ERCC8: variants seen among roughly 807,000 people sequenced by gnomAD.
The protein encoded by ERCC8 is ERCC excision repair 8, CSA ubiquitin ligase complex subunit.
Under a neutral mutation model 54.9 loss-of-function variants are expected in ERCC8, and 52 were observed. The ratio of observed to expected loss-of-function variants is 0.95; its 90% CI spans 0.76 to 1.19. ERCC8 has a LOEUF of 1.19. Ranked by LOEUF, ERCC8 falls within the 50% of genes most tolerant of loss-of-function variation. The probability of loss-of-function intolerance (pLI) is 0.00; values close to 1 mark genes in which losing one functional copy is unlikely to be tolerated. For missense variants in ERCC8, 514 were observed against 466.1 expected (o/e 1.10, Z -0.95); for synonymous variants, 146 against 157.2 (o/e 0.93, Z 0.53).
At position 60,873,225 on chromosome 5, in the gene ERCC8, T is replaced by C. The variant is rs1747900910; in HGVS notation, c.*1390A>G. Among the ~76,000 whole-genome samples the C allele has an allele frequency of 6.6e-6, 1 of 152,240 alleles. No homozygotes were observed. Reference sequence around the variant, plus strand: ...GTCAGTTAGCTAGATTTAGTCATTCTATAATGTATATATGCTTCAAAACAG... The same window carrying C: ...GTCAGTTAGCTAGATTTAGTCATTCCATAATGTATATATGCTTCAAAACAG... On this transcript the variant is annotated 3_prime_UTR_variant, in exon 12 of 12. Transcript: ENST00000676185.
At chr5:60,903,986 A>G (rs571396648) in intron 5 of ERCC8, among the ~76,000 whole-genome samples, 1 of 152,204 alleles carries the variant, frequency 6.6e-6, no homozygotes, top group South Asian at 2.1e-4. Flanking sequence ...AAGCTAGTAT[A>G]AAGAGAACCG....
At chr5:60,891,682 A>C (rs1234640205) in intron 9 of ERCC8, among the ~76,000 whole-genome samples, 2 of 145,224 alleles carry the variant, frequency 1.4e-5, no homozygotes, top group Admixed American at 1.4e-4. Context: ...TTTCCTGCTG[A>C]TACTTCTTTT....
Position 60,903,670 on chromosome 5 carries a change from T to G in ERCC8, c.528A>C (p.Gly176=), listed in dbSNP as rs961490880. The G allele has an allele frequency of 2.4e-5, 39 of 1,612,644 alleles. No individual in the cohort carries two copies. Among genetic ancestry groups the G allele is most frequent in the Non-Finnish European group, 3.1e-5 (37 of 1,179,250 alleles). ...TACCCTGTAGAATGTGAGAACAGGA[T>G]CCAGACTTCAAGTCACAAAGTTGTA... ...PKVQLCDLKS[G]SCSHILQGHR... Residue 176 remains glycine, a synonymous_variant, in exon 6 of 12, where the codon GGA becomes GGC. Transcript: ENST00000676185.
rs557379747 is a variant in ERCC8, at chr5:60,913,504, T to C, written c.399+4761A>G. On this transcript the variant is annotated intron_variant, in intron 4 of 11. Transcript: ENST00000676185. The stretch of plus-strand genomic sequence containing the variant: ...CTCTTTTCTTCTTCATTAGTCTTGC[T>C]AGCAGTCTATCAGTTTTGTGGACCT... 2.0e-5 allele frequency among the ~76,000 whole-genome samples: 3 copies of C among 152,262 alleles called. No homozygotes were observed. In the East Asian group the frequency reaches 5.8e-4, roughly 29 times the overall value.
chr5:60,889,654 GGTAGAAAGAAATAATTTGTGGTTAGA>G (rs1748491203), intron 10 of ERCC8, among the ~76,000 whole-genome samples: 1 of 152,092 alleles, frequency 6.6e-6, no homozygotes, highest in African/African-American at 2.4e-5. Context: ...GCTCCAATTT[GGTAGAAAGAAATAATTTGTGGTTAGA>G]GTACCTGGGA....
chr5:60,910,923 T>C (rs1317209799), intron 4 of ERCC8, among the ~76,000 whole-genome samples: 1 of 152,158 alleles, frequency 6.6e-6, no homozygotes, highest in Non-Finnish European at 1.5e-5. Flanking sequence ...ATAATGAGGA[T>C]AATGCAAAGG....
chr5:60,879,230 A>G (rs1231992567), intron 11 of ERCC8, among the ~76,000 whole-genome samples: 2 of 152,078 alleles, frequency 1.3e-5, no homozygotes, highest in Non-Finnish European at 2.9e-5. Flanking sequence ...TGGGGTCTGA[A>G]AGACCGTTTG....
intron 4 of ERCC8, among the ~76,000 whole-genome samples, chr5:60,910,672 A>G (rs1749231181): frequency 6.6e-6 from 1 of 152,140 alleles, no homozygotes; most frequent in Non-Finnish European, 1.5e-5. Context: ...TTGAAATTTC[A>G]TTTTATAATC....
intron 1 of ERCC8, among the ~76,000 whole-genome samples, chr5:60,929,167 G>T (rs556911986): frequency 6.6e-6 from 1 of 152,154 alleles, no homozygotes; most frequent in East Asian, 1.9e-4. Context: ...ACTTTTAAAG[G>T]TATTTAAAGA....
intron 11 of ERCC8, among the ~76,000 whole-genome samples, chr5:60,880,531 T>C (rs1236011215): frequency 6.6e-6 from 1 of 152,232 alleles, no homozygotes; most frequent in African/African-American, 2.4e-5. Flanking sequence ...TCTTTTCACA[T>C]AGTCCCATAT....
chr5:60,874,510 A>G lies in ERCC8; in HGVS notation c.*105T>C, dbSNP rs3117. The G allele has an allele frequency of 0.36, 332,282 of 915,126 alleles. 63,483 individuals are homozygous for G. The highest frequency in any genetic ancestry group is 0.43 in the Middle Eastern group (1,954 of 4,500). The allele number at this position is 915,126 out of a possible 1,614,324, so 56.7% of individuals were successfully genotyped here. A position where few individuals can be genotyped will look rare whatever the true frequency, so the allele number is the denominator to read the frequency against. On this transcript the variant is annotated 3_prime_UTR_variant, in exon 12 of 12. Coordinates refer to ENST00000676185, the MANE Select transcript of ERCC8 (RefSeq NM_000082.4). ...TAAAACATGAGGAAAAATATTACCC[A>G]CATTTAGGGCTAATTTAGCTGTCAG...
intron 2 of ERCC8, among the ~76,000 whole-genome samples, chr5:60,928,165 G>A (rs930456048): frequency 6.6e-6 from 1 of 152,166 alleles, no homozygotes; most frequent in African/African-American, 2.4e-5. Context: ...GCAGTGTTAT[G>A]ACGAATTGTA....
chr5:60,884,626 A>T (rs750224072), intron 11 of ERCC8, among the ~76,000 whole-genome samples: 1 of 151,874 alleles, frequency 6.6e-6, no homozygotes, highest in Non-Finnish European at 1.5e-5. Context: ...ACTTTTAAAC[A>T]TGGCTTAAAT....
chr5:60,936,253 C>T (rs565377366), intron 1 of ERCC8, among the ~76,000 whole-genome samples: 23 of 152,076 alleles, frequency 1.5e-4, no homozygotes, highest in Middle Eastern at 3.4e-3. Context: ...AGGAGGGTTG[C>T]GTATTTCCAG....
chr5:60,892,743 G>T, intron 9 of ERCC8: 1 of 695,840 alleles, frequency 1.4e-6, no homozygotes, highest in Middle Eastern at 2.8e-4. Context: ...GCTGGGCCCT[G>T]GAACAATGGC....
At position 60,872,946 on chromosome 5, in the gene ERCC8, A is replaced by C. The variant is rs1294786543; in HGVS notation, c.*1669T>G. On this transcript the variant is annotated 3_prime_UTR_variant, in exon 12 of 12. Transcript: ENST00000676185. ...GTCAATGGTTGAATGGATAAAGAAAATGTAGTACATATACACAAACAGCTG... is the reference window on the plus strand; with the variant it reads ...GTCAATGGTTGAATGGATAAAGAAACTGTAGTACATATACACAAACAGCTG... Among the ~76,000 whole-genome samples, 8 of 152,294 alleles carry C rather than the reference A, an allele frequency of 5.3e-5. No homozygotes were observed. In the East Asian group the frequency reaches 1.5e-3, roughly 29 times the overall value.
intron 4 of ERCC8, among the ~76,000 whole-genome samples, chr5:60,914,613 G>T (rs1257414214): frequency 2.0e-5 from 3 of 151,650 alleles, no homozygotes. Context: ...AAGACAGAGA[G>T]ACACTGCCTC....
intron 1 of ERCC8, among the ~76,000 whole-genome samples, chr5:60,936,451 T>A (rs1054040893): frequency 3.9e-5 from 6 of 152,224 alleles, no homozygotes; most frequent in African/African-American, 1.4e-4. Flanking sequence ...ATTTTATTTA[T>A]CTTTTGAAAG....
chr5:60,890,876 G>C lies in ERCC8; in HGVS notation c.1041+13C>G, dbSNP rs773778782. On this transcript the variant is annotated intron_variant, in intron 10 of 11. Coordinates refer to ENST00000676185, the MANE Select transcript of ERCC8 (RefSeq NM_000082.4). ...AGCTAGCTGAACATTTTAAATTCCTGTATCACTCTTACCTGGAAATTTGAC... is the reference window on the plus strand; with the variant it reads ...AGCTAGCTGAACATTTTAAATTCCTCTATCACTCTTACCTGGAAATTTGAC... 6.3e-7 allele frequency: 1 copy of C among 1,596,366 alleles called. No homozygotes were observed. The highest frequency in any genetic ancestry group is 8.6e-7 in the Non-Finnish European group (1 of 1,164,470).
Sources: allele counts gnomAD v4.1 joint callset (sites outside exome capture counted in the v4.1 genomes callset), GRCh38; gene constraint gnomAD v4.1.1; transcripts MANE v1.5; gene names NCBI Gene and HGNC (gene_info 2026-07-23, HGNC 2026-07-21).